The following CCDC7 variants were observed in gnomAD, a reference collection of about 807,000 sequenced individuals.
CCDC7 encodes the protein coiled-coil domain containing 7, also known as coiled-coil domain-containing protein 7.
A neutral mutation model predicts 196.9 loss-of-function variants in CCDC7; 183 were observed. The ratio of observed to expected loss-of-function variants is 0.93; its 90% CI spans 0.82 to 1.05. The LOEUF (loss-of-function observed/expected upper bound fraction) is 1.05. CCDC7 is among the 50% of genes least tolerant of loss of function. The pLI, the probability that CCDC7 is intolerant of heterozygous loss-of-function variation, is 0.00. For synonymous variants in CCDC7, 525 were observed against 484.6 expected, an observed-to-expected ratio of 1.08 and a Z score of -1.10; for missense variants, 1,540 against 1,482.2, an observed-to-expected ratio of 1.04 and a Z score of -0.64.
intron 41 of CCDC7, among the ~76,000 whole-genome samples, chr10:32,868,296 T>C (rs2094284211): frequency 6.6e-6 from 1 of 152,030 alleles, no homozygotes; most frequent in Non-Finnish European, 1.5e-5. Flanking sequence ...TACTGGATCA[T>C]GTGGTAATTC....
chr10:32,793,595 T>C lies in CCDC7; in HGVS notation c.3014-11420T>C, dbSNP rs74610850. Among the ~76,000 whole-genome samples, 775 of 152,334 alleles carry C rather than the reference T, an allele frequency of 5.1e-3. 43 individuals are homozygous for C. The East Asian group carries it at 0.11, about 22-fold the overall frequency. ...TTAGTACCACTTTTGCTGTATCCCA[T>C]ACATTTGGTATGTTGCATTCCCATT... On this transcript the variant is annotated intron_variant, in intron 29 of 41. Coordinates refer to ENST00000639629, the Ensembl canonical transcript of CCDC7.
chr10:32,683,870 T>C (rs61366780), intron 21 of CCDC7, among the ~76,000 whole-genome samples: 13,277 of 152,252 alleles, frequency 0.087, 851 homozygotes, highest in East Asian at 0.33. Flanking sequence ...TAGCAAGGCC[T>C]GGGACCTGCA....
At chr10:32,529,520 T>C (rs1308491829) in intron 11 of CCDC7, among the ~76,000 whole-genome samples, 4 of 152,218 alleles carry the variant, frequency 2.6e-5, no homozygotes, top group Non-Finnish European at 5.9e-5. Flanking sequence ...TCCCTGATCA[T>C]TAGTGATGTT....
chr10:32,764,263 C>G (rs547608136), intron 28 of CCDC7, among the ~76,000 whole-genome samples: 2 of 151,390 alleles, frequency 1.3e-5, no homozygotes, highest in South Asian at 4.2e-4. Flanking sequence ...CCACCAGCCC[C>G]CTAAAGATGA....
intron 18 of CCDC7, among the ~76,000 whole-genome samples, chr10:32,620,258 G>T (rs1362155713): frequency 1.3e-5 from 2 of 151,834 alleles, no homozygotes; most frequent in African/African-American, 4.8e-5. Flanking sequence ...TGCATTTTAG[G>T]TTTTCTTGCA....
intron 25 of CCDC7, among the ~76,000 whole-genome samples, chr10:32,719,491 AG>A (rs2082088873): frequency 6.6e-6 from 1 of 152,226 alleles, no homozygotes; most frequent in African/African-American, 2.4e-5. Flanking sequence ...TAAACACCAA[AG>A]GCAATTGCAA....
chr10:32,511,851 C>G, intron 9 of CCDC7: 2 of 689,774 alleles, frequency 2.9e-6, no homozygotes, highest in Non-Finnish European at 5.2e-6. Flanking sequence ...TTCCGATGAT[C>G]TCACCAATGT....
At chr10:32,871,762 A>T (rs1486333615) in intron 41 of CCDC7, among the ~76,000 whole-genome samples, 5 of 152,052 alleles carry the variant, frequency 3.3e-5, no homozygotes, top group Non-Finnish European at 7.4e-5. Context: ...CCCTCTACAC[A>T]CTGCTTTGAA....
At chr10:32,588,389 AT>A (rs34887748) in intron 18 of CCDC7, among the ~76,000 whole-genome samples, 149,514 of 152,124 alleles carry the variant, frequency 0.98, 73,511 homozygotes, top group Middle Eastern at 1. Context: ...TGTCACATGC[AT>A]TTTTTTTGCA....
chr10:32,763,759 G>A (rs2077822598), intron 28 of CCDC7, among the ~76,000 whole-genome samples: 1 of 151,634 alleles, frequency 6.6e-6, no homozygotes. Flanking sequence ...CATATATGTT[G>A]AATCTAAAAA....
At chr10:32,666,298 TA>T (rs1312716513) in intron 21 of CCDC7, among the ~76,000 whole-genome samples, 2 of 151,858 alleles carry the variant, frequency 1.3e-5, no homozygotes, top group African/African-American at 4.8e-5. Flanking sequence ...GAATTACTAA[TA>T]AATACCAGGT....
intron 39 of CCDC7, among the ~76,000 whole-genome samples, chr10:32,849,039 A>G (rs1038754081): frequency 6.6e-6 from 1 of 151,952 alleles, no homozygotes; most frequent in Non-Finnish European, 1.5e-5. Flanking sequence ...TATTAAAATT[A>G]ACATTTTCAT....
At chr10:32,695,540 G>A (rs2077600939) in intron 24 of CCDC7, among the ~76,000 whole-genome samples, 1 of 152,178 alleles carries the variant, frequency 6.6e-6, no homozygotes, top group African/African-American at 2.4e-5. Flanking sequence ...GAATTTGAGA[G>A]CTCTAGTCTG....
intron 11 of CCDC7, among the ~76,000 whole-genome samples, chr10:32,521,903 A>G (rs1284458200): frequency 6.6e-6 from 1 of 152,122 alleles, no homozygotes; most frequent in Non-Finnish European, 1.5e-5. Flanking sequence ...GAGGATTTTT[A>G]TCATGAAGGG....
chr10:32,509,599 T>A, intron 9 of CCDC7, among the ~76,000 whole-genome samples: 1 of 147,258 alleles, frequency 6.8e-6, no homozygotes, highest in Non-Finnish European at 1.5e-5. Flanking sequence ...AAAAAGGAAA[T>A]AATAAAATGA....
intron 18 of CCDC7, among the ~76,000 whole-genome samples, chr10:32,610,428 A>G: frequency 6.6e-6 from 1 of 151,938 alleles, no homozygotes; most frequent in East Asian, 1.9e-4. Flanking sequence ...TATTATTATT[A>G]TTTTTTATTG....
chr10:32,529,575 A>T (rs536585087), intron 11 of CCDC7, among the ~76,000 whole-genome samples: 1 of 152,164 alleles, frequency 6.6e-6, no homozygotes, highest in East Asian at 1.9e-4. Flanking sequence ...TCTTCTTTTG[A>T]AAATTGTCTA....
chr10:32,511,272 G>GGC (rs1300091566), intron 9 of CCDC7: 10 of 770,830 alleles, frequency 1.3e-5, no homozygotes, highest in Admixed American at 2.9e-5. Flanking sequence ...GGGGGGGGCG[G>GGC]GGAAATGTAC....
rs12266844 is a variant in CCDC7, at chr10:32,788,884, T to A, written c.3013+9800T>A. Among the ~76,000 whole-genome samples the A allele has an allele frequency of 3.2e-3, 490 of 152,302 alleles. 2 individuals carry two copies. Among genetic ancestry groups the A allele is most frequent in the African/African-American group, 0.011 (461 of 41,566 alleles). Reference sequence around the variant, plus strand: ...CTAGCTACAGACCTGATTTTGTGGATATGGCTTACAGAATCATAGTGGATC... The same window carrying A: ...CTAGCTACAGACCTGATTTTGTGGAAATGGCTTACAGAATCATAGTGGATC... On this transcript the variant is annotated intron_variant, in intron 29 of 41. Coordinates refer to ENST00000639629, the Ensembl canonical transcript of CCDC7.
Sources: gnomAD v4.1 joint callset for allele counts (sites outside exome capture counted in the v4.1 genomes callset) on GRCh38, gnomAD v4.1.1 for gene constraint, MANE v1.5 for transcripts, NCBI Gene and HGNC (gene_info 2026-07-23, HGNC 2026-07-21) for gene names.